Variants in GLI3 observed in about 807,000 individuals in gnomAD.
GLI3 encodes the protein transcription activator GLI3.
Under a neutral mutation model 100.8 loss-of-function variants are expected in GLI3, and 20 were observed. The ratio of observed to expected loss-of-function variants is 0.20; its 90% CI spans 0.14 to 0.29. GLI3 has a LOEUF of 0.29. Ranked by LOEUF, GLI3 falls within the 10% of genes least tolerant of loss-of-function variation. The pLI, the probability that GLI3 is intolerant of heterozygous loss-of-function variation, is 1.00. For synonymous variants in GLI3, 938 were observed against 860.5 expected, an observed-to-expected ratio of 1.09 and a Z score of -1.58; for missense variants, 2,040 against 2,128.5, an observed-to-expected ratio of 0.96 and a Z score of 0.82.
chr7:42,182,194 G>T (rs1279471693), intron 2 of GLI3, among the ~76,000 whole-genome samples: 1 of 152,118 alleles, frequency 6.6e-6, no homozygotes, highest in Non-Finnish European at 1.5e-5. Context: ...TAGACCCGTG[G>T]CCGGTGAGCA....
intron 2 of GLI3, among the ~76,000 whole-genome samples, chr7:42,220,027 T>C (rs1265345384): frequency 6.6e-6 from 1 of 152,036 alleles, no homozygotes; most frequent in African/African-American, 2.4e-5. Context: ...TAATTTTTTA[T>C]ATTTTTAGTA....
intron 4 of GLI3, among the ~76,000 whole-genome samples, chr7:42,061,848 T>C (rs141766193): frequency 1.3e-5 from 2 of 152,290 alleles, no homozygotes; most frequent in East Asian, 3.9e-4. Flanking sequence ...GGGATACTTT[T>C]CTTAGGGGTC....
rs531946205 is a variant in GLI3 at position 42,208,490 on chromosome 7, C to T, written c.124+14640G>A. On this transcript the variant is annotated intron_variant, in intron 2 of 14. Coordinates refer to ENST00000395925, the MANE Select transcript of GLI3 (RefSeq NM_000168.6). ...CTGCTGCCTAACTTTTCAATAACAA[C>T]GTTCCCCAGCTCCCGCCTGTAAATG... 2.6e-5 allele frequency among the ~76,000 whole-genome samples: 4 copies of T among 152,286 alleles called. No individual in the cohort carries two copies. In the East Asian group the frequency reaches 5.8e-4, roughly 22 times the overall value.
At chr7:42,118,761 C>T (rs1785922563) in intron 3 of GLI3, among the ~76,000 whole-genome samples, 2 of 152,234 alleles carry the variant, frequency 1.3e-5, no homozygotes, top group Non-Finnish European at 1.5e-5. Context: ...ACCAGCTTAA[C>T]TTGCTCATTT....
At chr7:41,992,189 T>C (rs1022657961) in intron 10 of GLI3, among the ~76,000 whole-genome samples, 1 of 152,180 alleles carries the variant, frequency 6.6e-6, no homozygotes, top group Admixed American at 6.5e-5. Flanking sequence ...AGCTGTGACC[T>C]TGAACTACAG....
intron 2 of GLI3, among the ~76,000 whole-genome samples, chr7:42,187,398 AAGT>A (rs1175211943): frequency 2.0e-5 from 3 of 152,170 alleles, no homozygotes; most frequent in Non-Finnish European, 4.4e-5. Context: ...TAAGTTTATC[AAGT>A]TTATCACTGA....
chr7:42,025,370 G>T lies in GLI3; in HGVS notation c.1250C>A (p.Pro417His), dbSNP rs41311641. The T allele has an allele frequency of 6.2e-7, 1 of 1,611,040 alleles. No homozygotes were observed. Among genetic ancestry groups the T allele is most frequent in the African/African-American group, 1.3e-5 (1 of 74,956 alleles). Residue 417 changes from proline (P) to histidine (H), a missense_variant, in exon 9 of 15, where the codon CCC becomes CAC. By Grantham distance (77) the Pro-to-His change is moderately conservative. Around this residue, in one of 5 missense-constraint regions of GLI3, gnomAD observed 603 missense variants for 690.9 expected, o/e 0.87. Transcript: ENST00000395925. ...SGPSESSQNK[P>H]TSESAVSSTG... ...GCTGCTCACTGCAGACTCACTCGTG[G>T]GCTTGTTCTGCTGGTCACATTTGCA...
At chr7:42,104,474 G>A (rs2128763493) in intron 3 of GLI3, among the ~76,000 whole-genome samples, 2 of 152,230 alleles carry the variant, frequency 1.3e-5, no homozygotes, top group African/African-American at 4.8e-5. Flanking sequence ...AAGGAATCTG[G>A]CATAAAGTAG....
At chr7:42,050,820 T>C (rs1784338091) in intron 4 of GLI3, among the ~76,000 whole-genome samples, 1 of 152,328 alleles carries the variant, frequency 6.6e-6, no homozygotes, top group Middle Eastern at 3.4e-3. Context: ...TTCTCCAAAA[T>C]TCCAGAGTTG....
At chr7:42,237,928 G>T (rs970963293), upstream of GLI3, 2 of 148,252 alleles carry the variant, frequency 1.3e-5, no homozygotes, top group African/African-American at 2.5e-5. Context: ...TCGGGGGCTG[G>T]GGGGGAGCCC....
chr7:42,249,812 T>C (rs910102749), intron 1 of GLI3, among the ~76,000 whole-genome samples: 1 of 152,058 alleles, frequency 6.6e-6, no homozygotes, highest in African/African-American at 2.4e-5. Flanking sequence ...AAAAAGTTAC[T>C]GGCCAGGCAC....
rs777315739 is a variant in GLI3 at position 41,965,318 on chromosome 7, G to C, written c.3755C>G (p.Pro1252Arg). The C allele has an allele frequency of 5.0e-6, 8 of 1,613,904 alleles. 1 individual carries two copies. The South Asian group carries it at 5.5e-5, about 11-fold the overall frequency. ...NAFHEQPCKA[P>R]QYGNCLNRQP... ...CCTGTTGAGACAGTTCCCATACTGC[G>C]GGGCCTTACAGGGCTGTTCATGGAA... Residue 1252 changes from proline to arginine, a missense_variant, in exon 15 of 15, where the codon CCG becomes CGG. Pro to Arg is a moderately radical substitution (Grantham distance 103, BLOSUM62 -2). Transcript: ENST00000395925.
chr7:42,201,508 G>A (rs111620215), intron 2 of GLI3, among the ~76,000 whole-genome samples: 388 of 152,262 alleles, frequency 2.5e-3, no homozygotes, highest in African/African-American at 9.0e-3. Context: ...ACACACTAGC[G>A]CAAAGAAACC....
chr7:41,962,315 TG>T lies in GLI3; in HGVS notation c.*2014del, dbSNP rs1787032512. 6.6e-6 allele frequency: 1 copy of T among 152,202 alleles called. No homozygotes were observed. Among genetic ancestry groups the T allele is most frequent in the Non-Finnish European group, 1.5e-5 (1 of 68,038 alleles). The allele number at this position is 152,202 out of a possible 1,614,324, so 9.4% of individuals were successfully genotyped here. A position where few individuals can be genotyped will look rare whatever the true frequency, so the allele number is the denominator to read the frequency against. The stretch of plus-strand genomic sequence containing the variant: ...AGCACACAAGATAAGACTGGAGATT[TG>T]GAGATTTGTGGAAAAGTGAGACTGG... On this transcript the variant is annotated 3_prime_UTR_variant, in exon 15 of 15. Transcript: ENST00000395925.
chr7:42,172,250 A>G (rs2286294), intron 2 of GLI3, among the ~76,000 whole-genome samples: 70,778 of 151,384 alleles, frequency 0.47, 16,900 homozygotes, highest in African/African-American at 0.54. Context: ...ATAAAACAAT[A>G]TTAACTGCTC....
At chr7:42,168,873 G>A (rs1002602298) in intron 2 of GLI3, among the ~76,000 whole-genome samples, 3 of 151,978 alleles carry the variant, frequency 2.0e-5, no homozygotes, top group East Asian at 1.9e-4. Context: ...AGCTGTGATC[G>A]CACCACTGCA....
chr7:42,190,700 A>G (rs1275138334), intron 2 of GLI3, among the ~76,000 whole-genome samples: 2 of 152,202 alleles, frequency 1.3e-5, no homozygotes, highest in Admixed American at 1.3e-4. Context: ...TGCAATCTCA[A>G]TACCAAATCT....
intron 1 of GLI3, among the ~76,000 whole-genome samples, chr7:42,261,208 C>CACACACAA (rs1789136081): frequency 6.6e-6 from 1 of 151,692 alleles, no homozygotes; most frequent in South Asian, 2.1e-4. Flanking sequence ...CAAACACACA[C>CACACACAA]ACACACACAC....
At chr7:42,118,353 T>A (rs754716662) in intron 3 of GLI3, 5 of 398,488 alleles carry the variant, frequency 1.3e-5, no homozygotes, top group Non-Finnish European at 2.2e-5. Flanking sequence ...AATATACTTA[T>A]CCTCAATTTT....
Sources: allele counts gnomAD v4.1 joint callset (sites outside exome capture counted in the v4.1 genomes callset), GRCh38; gene constraint gnomAD v4.1.1; regional missense constraint gnomAD v4.1.1; transcripts MANE v1.5; gene names NCBI Gene and HGNC (gene_info 2026-07-23, HGNC 2026-07-21).